HHAT: variants seen among roughly 807,000 people sequenced by gnomAD.
The protein encoded by HHAT is hedgehog acyltransferase, also known as protein-cysteine N-palmitoyltransferase HHAT.
Under a neutral mutation model 70.8 loss-of-function variants are expected in HHAT, and 47 were observed. That is an observed-to-expected ratio of 0.66 (90% CI 0.53 to 0.85). HHAT has a LOEUF of 0.85. Ranked by LOEUF, HHAT falls within the 40% of genes least tolerant of loss-of-function variation. The probability of loss-of-function intolerance (pLI) is 0.00; values close to 1 mark genes in which losing one functional copy is unlikely to be tolerated. For missense variants in HHAT, 609 were observed against 604.8 expected (o/e 1.01, Z -0.07); for synonymous variants, 228 against 247.6 (o/e 0.92, Z 0.74).
chr1:210,490,990 A>C (rs973515003), intron 8 of HHAT, among the ~76,000 whole-genome samples: 1 of 151,990 alleles, frequency 6.6e-6, no homozygotes, highest in African/African-American at 2.4e-5. Context: ...TATGTGTTTA[A>C]GAGTCTCCAT....
intron 8 of HHAT, among the ~76,000 whole-genome samples, chr1:210,465,390 G>T (rs1042621153): frequency 6.6e-6 from 1 of 152,026 alleles, no homozygotes; most frequent in East Asian, 1.9e-4. Context: ...TCCTCTTATC[G>T]CTTCCAGAGT....
intron 9 of HHAT, among the ~76,000 whole-genome samples, chr1:210,533,817 AT>A: frequency 6.6e-6 from 1 of 152,356 alleles, no homozygotes; most frequent in East Asian, 1.9e-4. Context: ...TAATAAAGAA[AT>A]CAAAGATTGA....
chr1:210,454,968 G>T (rs1389095878), intron 7 of HHAT, among the ~76,000 whole-genome samples: 2 of 152,326 alleles, frequency 1.3e-5, no homozygotes, highest in East Asian at 3.9e-4. Flanking sequence ...CAGTTACCTG[G>T]GAGAGTGTTA....
At chr1:210,381,107 G>A (rs1433849682) in intron 3 of HHAT, among the ~76,000 whole-genome samples, 1 of 152,000 alleles carries the variant, frequency 6.6e-6, no homozygotes, top group Admixed American at 6.6e-5. Flanking sequence ...ATTGAAGTAG[G>A]TCTAGCATAT....
chr1:210,660,350 C>T (rs1386425244), intron 11 of HHAT, among the ~76,000 whole-genome samples: 1 of 152,152 alleles, frequency 6.6e-6, no homozygotes. Context: ...AGGAATCCAA[C>T]TTACAAGGGA....
At chr1:210,614,650 G>C (rs1667299163) in intron 10 of HHAT, among the ~76,000 whole-genome samples, 1 of 152,132 alleles carries the variant, frequency 6.6e-6, no homozygotes, top group Non-Finnish European at 1.5e-5. Context: ...CTATGAGTGA[G>C]AACATGCGGT....
chr1:210,328,063 A>G (rs1396124529), upstream of HHAT, among the ~76,000 whole-genome samples: 1 of 152,216 alleles, frequency 6.6e-6, no homozygotes, highest in Non-Finnish European at 1.5e-5. Context: ...TTCTGAGAGC[A>G]CAGCTTCCGA....
At chr1:210,613,830 C>T (rs1667092566) in intron 10 of HHAT, among the ~76,000 whole-genome samples, 1 of 151,688 alleles carries the variant, frequency 6.6e-6, no homozygotes, top group South Asian at 2.1e-4. Flanking sequence ...CCTGCCTGGG[C>T]AGCATAGTGA....
chr1:210,604,803 G>C (rs1665050444), intron 10 of HHAT, among the ~76,000 whole-genome samples: 1 of 152,094 alleles, frequency 6.6e-6, no homozygotes, highest in Non-Finnish European at 1.5e-5. Flanking sequence ...ATCCTTTGAG[G>C]CCAGGAGTTC....
At chr1:210,506,246 G>A (rs958153433) in intron 8 of HHAT, among the ~76,000 whole-genome samples, 22 of 152,084 alleles carry the variant, frequency 1.4e-4, no homozygotes, top group African/African-American at 5.3e-4. Context: ...GTGTTAGCCC[G>A]GGCACAGTCT....
At chr1:210,467,737 C>A (rs1430494075) in intron 8 of HHAT, among the ~76,000 whole-genome samples, 1 of 152,144 alleles carries the variant, frequency 6.6e-6, no homozygotes, top group African/African-American at 2.4e-5. Context: ...CTGAACTTCT[C>A]AAAGATCTAC....
intron 8 of HHAT, 42 bp downstream of exon 8, chr1:210,464,697 T>C: frequency 6.2e-7 from 1 of 1,610,508 alleles, no homozygotes; most frequent in East Asian, 2.2e-5. Context: ...GCATGTCCAG[T>C]GGGAGGAGCA....
intron 1 of HHAT, among the ~76,000 whole-genome samples, chr1:210,330,912 G>A (rs903468697): frequency 2.4e-4 from 37 of 152,120 alleles, no homozygotes; most frequent in Non-Finnish European, 7.4e-5. Flanking sequence ...TCCACCTCTG[G>A]GGATCAAGCA....
In HHAT at chr1:210,437,684, C is replaced by T. The variant is rs74464870; in HGVS notation, c.856+19359C>T. On this transcript the variant is annotated intron_variant, in intron 7 of 11. Transcript: ENST00000261458. Reference sequence around the variant, plus strand: ...CATGCTACCTTGTTATTTAGACTGCCGGGCCCTTTTGTTGAGTATTTACAT... The same window carrying T: ...CATGCTACCTTGTTATTTAGACTGCTGGGCCCTTTTGTTGAGTATTTACAT... Among the ~76,000 whole-genome samples the T allele has an allele frequency of 5.1e-3, 779 of 151,884 alleles. 25 individuals are homozygous for T. The highest frequency in any genetic ancestry group is 0.018 in the African/African-American group (750 of 41,182).
At chr1:210,488,495 G>A (rs2094505102) in intron 8 of HHAT, among the ~76,000 whole-genome samples, 1 of 152,186 alleles carries the variant, frequency 6.6e-6, no homozygotes, top group African/African-American at 2.4e-5. Context: ...GAATGAAGAT[G>A]TTTTCCCGTT....
In HHAT at chr1:210,373,948, G is replaced by A. The variant is rs555770535; in HGVS notation, c.159+11029G>A. Among the ~76,000 whole-genome samples, 4 of 152,288 alleles carry A rather than the reference G, an allele frequency of 2.6e-5. No homozygotes were observed. The East Asian group carries it at 7.7e-4, about 29-fold the overall frequency. On this transcript the variant is annotated intron_variant, in intron 3 of 11. Coordinates refer to ENST00000261458, the MANE Select transcript of HHAT (RefSeq NM_018194.6). ...AGTCTGTGTCTCCAATGTTAATGTT[G>A]CTAATTAGCAAGTCAGATGTCACCA...
At chr1:210,429,980 A>G (rs552290905) in intron 7 of HHAT, among the ~76,000 whole-genome samples, 1 of 151,914 alleles carries the variant, frequency 6.6e-6, no homozygotes, top group African/African-American at 2.4e-5. Context: ...TTCCATCATA[A>G]ACTGGAGCTG....
chr1:210,397,591 G>A (rs1455286991), intron 4 of HHAT, among the ~76,000 whole-genome samples: 5 of 151,542 alleles, frequency 3.3e-5, no homozygotes, highest in Non-Finnish European at 7.4e-5. Flanking sequence ...AAAAATTCTG[G>A]CCTGGTTGAT....
chr1:210,380,850 G>C (rs1226596679), intron 3 of HHAT, among the ~76,000 whole-genome samples: 2 of 145,988 alleles, frequency 1.4e-5, no homozygotes, highest in Non-Finnish European at 3.1e-5. Flanking sequence ...GGGATGGTGG[G>C]GGCAGTGAAG....
Sources: allele counts gnomAD v4.1 joint callset (sites outside exome capture counted in the v4.1 genomes callset), GRCh38; gene constraint gnomAD v4.1.1; transcripts MANE v1.5; gene names NCBI Gene and HGNC (gene_info 2026-07-23, HGNC 2026-07-21).